UBE2G2: variants seen among roughly 807,000 people sequenced by gnomAD.
UBE2G2 encodes the protein ubiquitin conjugating enzyme E2 G2.
In UBE2G2, 10 loss-of-function variants were observed where a neutral mutation model predicts 23.0. The ratio of observed to expected loss-of-function variants is 0.43; its 90% CI spans 0.27 to 0.74. The LOEUF (loss-of-function observed/expected upper bound fraction) is 0.74, where lower values mean the gene tolerates loss of function less well. Among genes scored for constraint, UBE2G2 ranks in the 30% least tolerant of loss-of-function variants. The pLI is 0.19. For missense variants in UBE2G2, 150 were observed against 218.3 expected, an observed-to-expected ratio of 0.69 and a Z score of 1.97; for synonymous variants, 86 against 81.3, an observed-to-expected ratio of 1.06 and a Z score of -0.31.
At chr21:44,801,411 G>T in intron 1 of UBE2G2, 3 of 1,217,322 alleles carry the variant, frequency 2.5e-6, no homozygotes, top group South Asian at 6.3e-5. Context: ...GCCAAGAAAA[G>T]AAAAAATAGA....
chr21:44,774,243 G>A (rs1555960293), intron 4 of UBE2G2: 2 of 154,114 alleles, frequency 1.3e-5, no homozygotes, highest in African/African-American at 4.8e-5. Context: ...AACCTGGAAT[G>A]TAGGTCAATG....
At chr21:44,774,649 C>T (rs782049593) in intron 4 of UBE2G2, 4 of 448,632 alleles carry the variant, frequency 8.9e-6, no homozygotes, top group South Asian at 3.2e-5. Context: ...CAGTGGTGAA[C>T]GCTCTACTAT....
At chr21:44,793,048 G>A (rs1258475637) in intron 1 of UBE2G2, among the ~76,000 whole-genome samples, 2 of 152,240 alleles carry the variant, frequency 1.3e-5, no homozygotes, top group Non-Finnish European at 2.9e-5. Context: ...GAGTAGATCA[G>A]GAGAAATAAC....
rs35406176 is a variant in UBE2G2, at chr21:44,769,378, AT to A, written c.*1998del. 3.8e-3 allele frequency: 442 copies of A among 117,498 alleles called. 1 individual carries two copies. Among genetic ancestry groups the A allele is most frequent in the African/African-American group, 8.2e-3 (246 of 29,910 alleles). 7.3% of individuals were successfully genotyped at this position (117,498 alleles called of 1,614,324 possible). A position where few individuals can be genotyped will look rare whatever the true frequency, so the allele number is the denominator to read the frequency against. On this transcript the variant is annotated 3_prime_UTR_variant, in exon 6 of 6. Coordinates refer to ENST00000345496, the MANE Select transcript of UBE2G2 (RefSeq NM_003343.6). ...AATACGAGTTCTTGCCCTGCGTTCC[AT>A]TTTTTTTTTTTTTTTTTTTGAGACA...
Position 44,797,070 on chromosome 21 carries a change from C to T in UBE2G2, c.43+4636G>A, listed in dbSNP as rs369389483. On this transcript the variant is annotated intron_variant, in intron 1 of 5. Transcript: ENST00000345496. ...ACTTGCATCTCCAAAGTCCCTCCACCGAAGTACTAGAAAGTGCTTGAATAA... is the reference window on the plus strand; with the variant it reads ...ACTTGCATCTCCAAAGTCCCTCCACTGAAGTACTAGAAAGTGCTTGAATAA... 6.6e-5 allele frequency among the ~76,000 whole-genome samples: 10 copies of T among 152,284 alleles called. No individual in the cohort carries two copies. In the South Asian group the frequency reaches 1.9e-3, roughly 28 times the overall value.
In UBE2G2 at chr21:44,796,518, C is replaced by CA. The variant is rs201137723; in HGVS notation, c.43+5187dup. Among the ~76,000 whole-genome samples the CA allele has an allele frequency of 2.3e-4, 35 of 151,476 alleles. No homozygotes were observed. In the East Asian group the frequency reaches 4.3e-3, roughly 18 times the overall value. On this transcript the variant is annotated intron_variant, in intron 1 of 5. Transcript: ENST00000345496. ...CAAACTAGATGTTAAGATACACACACAAAAAAAACCAGTAAATGATACACA... is the reference window on the plus strand; with the variant it reads ...CAAACTAGATGTTAAGATACACACACAAAAAAAAACCAGTAAATGATACACA...
chr21:44,779,357 T>G, intron 3 of UBE2G2: 1 of 79,022 alleles, frequency 1.3e-5, no homozygotes, highest in South Asian at 2.3e-4. Context: ...CCACTTTGTT[T>G]TGGGGAGCTG....
At chr21:44,773,865 G>A (rs1308321730) in intron 4 of UBE2G2, 178 bp from the exon 5 acceptor site, 34 of 823,524 alleles carry the variant, frequency 4.1e-5, no homozygotes, top group Middle Eastern at 3.6e-4. Flanking sequence ...CAGGAATCCC[G>A]GTGGGGCCTG....
intron 1 of UBE2G2, among the ~76,000 whole-genome samples, chr21:44,793,049 G>A (rs1237863956): frequency 2.6e-5 from 4 of 152,224 alleles, no homozygotes; most frequent in Non-Finnish European, 4.4e-5. Flanking sequence ...AGTAGATCAG[G>A]AGAAATAACC....
intron 4 of UBE2G2, chr21:44,777,014 C>A: frequency 2.9e-6 from 1 of 343,696 alleles, no homozygotes; most frequent in Non-Finnish European, 5.3e-6. Context: ...CCCTTCTGAG[C>A]ACACACCCAT....
chr21:44,773,536 T>A lies in UBE2G2; in HGVS notation c.385+11A>T. On this transcript the variant is annotated intron_variant, in intron 5 of 5. Coordinates refer to ENST00000345496, the MANE Select transcript of UBE2G2 (RefSeq NM_003343.6). ...TCCACGGCAGCTCCTGCCAGGAGGC[T>A]CGGGCCTTACCTGCCAGCATGCTCA... 1 of 1,605,540 alleles carries A rather than the reference T, an allele frequency of 6.2e-7. No homozygotes were observed. The highest frequency in any genetic ancestry group is 8.5e-7 in the Non-Finnish European group (1 of 1,179,228).
intron 1 of UBE2G2, among the ~76,000 whole-genome samples, chr21:44,791,499 A>G (rs1461622257): frequency 6.6e-6 from 1 of 152,228 alleles, no homozygotes; most frequent in African/African-American, 2.4e-5. Flanking sequence ...CAGAGAGTAC[A>G]AACCCCAAGC....
At chr21:44,794,337 A>G (rs1318811784) in intron 1 of UBE2G2, among the ~76,000 whole-genome samples, 1 of 152,180 alleles carries the variant, frequency 6.6e-6, no homozygotes, top group African/African-American at 2.4e-5. Flanking sequence ...TTTATCTCAT[A>G]CCATATGGAA....
chr21:44,781,891 G>C (rs1472949381), intron 3 of UBE2G2, among the ~76,000 whole-genome samples: 2 of 152,116 alleles, frequency 1.3e-5, no homozygotes, highest in African/African-American at 2.4e-5. Flanking sequence ...AGTTAAACCT[G>C]TCCAAAAGGC....
rs149854888 is a variant in UBE2G2, at chr21:44,772,932, G to A, written c.385+615C>T. Among the ~76,000 whole-genome samples, 33 of 152,286 alleles carry A rather than the reference G, an allele frequency of 2.2e-4. No homozygotes were observed. The highest frequency in any genetic ancestry group is 7.5e-4 in the African/African-American group (31 of 41,546). On this transcript the variant is annotated intron_variant, in intron 5 of 5. Transcript: ENST00000345496. This position sits in a 1 kb window ranked among gnomAD's most constrained non-coding sequence, Gnocchi z 5.4. ...AACTCCAATCCCCAGGGTCTGCTGG[G>A]GCTCCTCTCCCTGCAGCCTTGGCTC...
chr21:44,795,277 AAAAT>A (rs1237054438), intron 1 of UBE2G2, among the ~76,000 whole-genome samples: 1 of 152,086 alleles, frequency 6.6e-6, no homozygotes, highest in Non-Finnish European at 1.5e-5. Context: ...AAAATAAAAA[AAAAT>A]AAATAAATAA....
intron 3 of UBE2G2, among the ~76,000 whole-genome samples, chr21:44,783,029 C>G (rs2082968444): frequency 6.6e-6 from 1 of 152,178 alleles, no homozygotes; most frequent in African/African-American, 2.4e-5. Context: ...AATCCTATGT[C>G]TAATGAAGGA....
intron 3 of UBE2G2, among the ~76,000 whole-genome samples, chr21:44,782,805 G>C (rs781894969): frequency 5.3e-5 from 8 of 151,974 alleles, no homozygotes; most frequent in Admixed American, 1.3e-4. Context: ...TAGATCAAAG[G>C]CCTAAATGTA....
At chr21:44,801,388 C>A (rs966091646) in intron 1 of UBE2G2, 6 of 1,171,600 alleles carry the variant, frequency 5.1e-6, no homozygotes, top group Admixed American at 4.8e-5. Flanking sequence ...TCTCACTGCA[C>A]GTTCTCAAGG....
Sources: allele counts gnomAD v4.1 joint callset (sites outside exome capture counted in the v4.1 genomes callset), GRCh38; gene constraint gnomAD v4.1.1; non-coding constraint Gnocchi (gnomAD v3.1); transcripts MANE v1.5; gene names NCBI Gene and HGNC (gene_info 2026-07-23, HGNC 2026-07-21).